GABRR1: variants seen among roughly 807,000 people sequenced by gnomAD.
GABRR1 encodes the protein gamma-aminobutyric acid receptor subunit rho-1.
GABRR1 carries 59 observed loss-of-function variants against 55.5 expected under a neutral mutation model. The ratio of observed to expected loss-of-function variants is 1.06; its 90% CI spans 0.86 to 1.32. The LOEUF (loss-of-function observed/expected upper bound fraction) is 1.32, where lower values mean the gene tolerates loss of function less well. Ranked by LOEUF, GABRR1 falls within the 40% of genes most tolerant of loss-of-function variation. GABRR1 has a pLI of 0.00. For missense variants in GABRR1, 602 were observed against 619.1 expected (o/e 0.97, Z 0.29); for synonymous variants, 213 against 226.0 (o/e 0.94, Z 0.51).
chr6:89,205,270 C>T (rs80158981), intron 1 of GABRR1, among the ~76,000 whole-genome samples: 67 of 152,284 alleles, frequency 4.4e-4, no homozygotes, highest in African/African-American at 1.4e-3. Context: ...CACAGCATCA[C>T]GTTGGAAGAT....
intron 5 of GABRR1, among the ~76,000 whole-genome samples, chr6:89,197,556 G>A (rs1045855045): frequency 1.3e-5 from 2 of 152,364 alleles, no homozygotes; most frequent in Non-Finnish European, 2.9e-5. Context: ...AGAATGGCAC[G>A]TCAAGTCATA....
chr6:89,191,946 G>A (rs1772103574), intron 5 of GABRR1, among the ~76,000 whole-genome samples: 1 of 152,068 alleles, frequency 6.6e-6, no homozygotes, highest in Non-Finnish European at 1.5e-5. Context: ...GGAGGCTGAG[G>A]CAGGAGAACT....
chr6:89,221,565 G>A (rs996700803), upstream of GABRR1: 7 of 152,200 alleles, frequency 4.6e-5, no homozygotes, highest in African/African-American at 1.7e-4. Flanking sequence ...AAAGTATACA[G>A]GAGAATGTGT....
In GABRR1 at chr6:89,217,348, T is replaced by A. The variant is rs774110688; in HGVS notation, c.-26A>T. 12 of 1,612,400 alleles carry A rather than the reference T, an allele frequency of 7.4e-6. No individual in the cohort carries two copies. The highest frequency in any genetic ancestry group is 1.0e-5 in the Non-Finnish European group (12 of 1,179,240). ...GGGTTTCCAAATTCAAACAGCTCTCTCCAGAAACAGCAAAAAGGAAAAGAT... is the reference window on the plus strand; with the variant it reads ...GGGTTTCCAAATTCAAACAGCTCTCACCAGAAACAGCAAAAAGGAAAAGAT... On this transcript the variant is annotated 5_prime_UTR_variant, in exon 1 of 10. Transcript: ENST00000454853.
intron 1 of GABRR1, among the ~76,000 whole-genome samples, chr6:89,207,409 G>T (rs1324207979): frequency 2.6e-5 from 4 of 152,026 alleles, no homozygotes; most frequent in African/African-American, 9.7e-5. Flanking sequence ...TGCCCAGGCT[G>T]GTCTTGAACC....
chr6:89,203,262 A>T (rs953636552), intron 2 of GABRR1, among the ~76,000 whole-genome samples, 173 bp downstream of exon 2: 1 of 151,452 alleles, frequency 6.6e-6, no homozygotes, highest in African/African-American at 2.4e-5. Context: ...TCCAGGAGCC[A>T]CCCCGCCACC....
intron 4 of GABRR1, among the ~76,000 whole-genome samples, chr6:89,198,759 C>T (rs1433992649): frequency 6.6e-6 from 1 of 152,126 alleles, no homozygotes; most frequent in Non-Finnish European, 1.5e-5. Flanking sequence ...GATAGCACAG[C>T]CCTCTTTGCT....
chr6:89,207,198 G>T (rs9444676), intron 1 of GABRR1, among the ~76,000 whole-genome samples: 112,745 of 151,944 alleles, frequency 0.74, 42,893 homozygotes, highest in African/African-American at 0.89. Flanking sequence ...TTTTTTTAAT[G>T]TTAATTTTTT....
At chr6:89,203,618 A>G (rs1772550626) in intron 1 of GABRR1, 133 bp from the exon 2 acceptor site, 1 of 699,692 alleles carries the variant, frequency 1.4e-6, no homozygotes, top group East Asian at 2.7e-5. Context: ...AAAAACTACG[A>G]AGATTCAATG....
rs1418971400 is a variant in GABRR1, at chr6:89,178,620, ATGTAGCTT to A, written c.*142_*149del. On this transcript the variant is annotated 3_prime_UTR_variant, in exon 10 of 10. Transcript: ENST00000454853. ...AATTAAACCAGTAAGTGTCTCGTCAATGTAGCTTTGGAAAGCTGCAGAAGGGATAGTGA... is the reference window on the plus strand; with the variant it reads ...AATTAAACCAGTAAGTGTCTCGTCAATGGAAAGCTGCAGAAGGGATAGTGA... The A allele has an allele frequency of 9.2e-6, 6 of 649,880 alleles. No homozygotes were observed. The African/African-American group carries it at 1.1e-4, about 12-fold the overall frequency. The allele number at this position is 649,880 out of a possible 1,614,324, so 40.3% of individuals were successfully genotyped here.
chr6:89,205,171 G>A (rs1772603976), intron 1 of GABRR1, among the ~76,000 whole-genome samples: 1 of 152,154 alleles, frequency 6.6e-6, no homozygotes, highest in Non-Finnish European at 1.5e-5. Flanking sequence ...AGGAAACTGA[G>A]ATACAAAGAC....
intron 5 of GABRR1, among the ~76,000 whole-genome samples, chr6:89,190,903 C>A (rs977887827): frequency 6.6e-6 from 1 of 152,204 alleles, no homozygotes; most frequent in Non-Finnish European, 1.5e-5. Context: ...GCTTCCGCAT[C>A]AAAAGCCAAA....
Position 89,180,431 on chromosome 6 carries a change from G to A in GABRR1, c.1007C>T (p.Pro336Leu), listed in dbSNP as rs772547976. The change falls in exon 9 of 10, where the codon CCG (proline) becomes CTG (leucine). Residue 336 changes from proline to leucine, a missense_variant. Around this residue, in one of 3 missense-constraint regions of GABRR1, gnomAD observed 28 missense variants for 53.9 expected, o/e 0.52. Transcript: ENST00000454853. The part of the protein sequence containing the change: ...TIITGVNASM[P>L]RVSYIKAVDI... ...CACGGCCTTGATGTAGGAGACGCGC[G>A]GCATGGAGGCATTCACGCCCGTGAT... The A allele has an allele frequency of 2.7e-5, 43 of 1,613,790 alleles. No individual in the cohort carries two copies. Among genetic ancestry groups the A allele is most frequent in the East Asian group, 4.5e-5 (2 of 44,888 alleles).
At chr6:89,208,506 G>C (rs1582401497) in intron 1 of GABRR1, among the ~76,000 whole-genome samples, 1 of 152,186 alleles carries the variant, frequency 6.6e-6, no homozygotes, top group African/African-American at 2.4e-5. Context: ...AAAAAATGTG[G>C]TTAACATTTA....
At chr6:89,180,267 C>T (rs924438080) in intron 9 of GABRR1, 25 bp downstream of exon 9, 5 of 1,606,496 alleles carry the variant, frequency 3.1e-6, no homozygotes, top group Non-Finnish European at 4.2e-6. Context: ...CCTGACCAGA[C>T]ACTATAAGCG....
At chr6:89,216,231 AAGG>A (rs1772977335) in intron 1 of GABRR1, among the ~76,000 whole-genome samples, 1 of 152,194 alleles carries the variant, frequency 6.6e-6, no homozygotes, top group Non-Finnish European at 1.5e-5. Flanking sequence ...CCAGCCCCAG[AAGG>A]AGGACACTGA....
rs538470381 is a variant in GABRR1, at chr6:89,199,403, C to G, written c.307G>C (p.Val103Leu). 1 of 1,614,056 alleles carries G rather than the reference C, an allele frequency of 6.2e-7. No individual in the cohort carries two copies. The highest frequency in any genetic ancestry group is 1.7e-5 in the Admixed American group (1 of 60,026). ...GGPAIPVGVD[V>L]QVESLDSISE... ...ATGCTATCCAAACTCTCCACCTGCA[C>G]ATCCACACCAACAGGAATGGCAGGG... is the stretch of plus-strand genomic sequence containing the variant. The change falls in exon 4 of 10, where the codon GTG (valine) becomes CTG (leucine). Residue 103 changes from valine to leucine, a missense_variant. Around this residue, in one of 3 missense-constraint regions of GABRR1, gnomAD observed 435 missense variants for 424.2 expected, o/e 1.03. Coordinates refer to ENST00000454853, the MANE Select transcript of GABRR1 (RefSeq NM_002042.5).
chr6:89,203,400 T>C lies in GABRR1; in HGVS notation c.173+35A>G, dbSNP rs564708620. The C allele has an allele frequency of 1.3e-4, 199 of 1,585,564 alleles. 1 individual carries two copies. The highest frequency in any genetic ancestry group is 7.2e-4 in the Admixed American group (43 of 59,948). ...ACAGTTGAGGTTCACGGAGGAAACA[T>C]CTGCAGAACAGTGTGCACGTGCTTA... On this transcript the variant is annotated intron_variant, in intron 2 of 9. Transcript: ENST00000454853.
rs1582373433 is a variant in GABRR1 at position 89,182,167 on chromosome 6, T to A, written c.797-110A>T. The A allele has an allele frequency of 1.1e-5, 11 of 999,446 alleles. No individual in the cohort carries two copies. The East Asian group carries it at 2.7e-4, about 24-fold the overall frequency. 61.9% of individuals were successfully genotyped at this position (999,446 alleles called of 1,614,324 possible). ...GACACTCCAATGGACTCTTATCATGTCTTTATAAGGTGAAATTGAGAGAAA... is the reference window on the plus strand; with the variant it reads ...GACACTCCAATGGACTCTTATCATGACTTTATAAGGTGAAATTGAGAGAAA... On this transcript the variant is annotated intron_variant, in intron 7 of 9. Coordinates refer to ENST00000454853, the MANE Select transcript of GABRR1 (RefSeq NM_002042.5).
Sources: allele counts gnomAD v4.1 joint callset (sites outside exome capture counted in the v4.1 genomes callset), GRCh38; gene constraint gnomAD v4.1.1; regional missense constraint gnomAD v4.1.1; transcripts MANE v1.5; gene names NCBI Gene and HGNC (gene_info 2026-07-23, HGNC 2026-07-21).